MSN: variants seen among roughly 807,000 people sequenced by gnomAD.
MSN encodes epididymis luminal protein 70.
MSN carries 2 observed loss-of-function variants against 48.0 expected under a neutral mutation model. The observed-to-expected ratio is 0.04, with a 90% confidence interval of 0.02 to 0.13. The LOEUF (loss-of-function observed/expected upper bound fraction) is 0.13, where lower values mean the gene tolerates loss of function less well. MSN is among the 10% of genes least tolerant of loss of function. The pLI, the probability that MSN is intolerant of heterozygous loss-of-function variation, is 1.00. For missense variants in MSN, 267 were observed against 470.1 expected, an observed-to-expected ratio of 0.57 and a Z score of 3.99; for synonymous variants, 146 against 166.9, an observed-to-expected ratio of 0.87 and a Z score of 0.97.
At chrX:65,639,965 C>T (rs1417709437) in intron 1 of MSN, among the ~76,000 whole-genome samples, 1 of 111,552 alleles carries the variant, frequency 9.0e-6, no homozygotes, top group Non-Finnish European at 1.9e-5. Flanking sequence ...AGGTGCTGTG[C>T]TAGATGCTAG....
chrX:65,625,748 TAATCAATTTA>T (rs2070498685), intron 1 of MSN: 1 of 111,806 alleles, frequency 8.9e-6, no homozygotes, highest in African/African-American at 3.2e-5. Flanking sequence ...TTGGATGATT[TAATCAATTTA>T]CATTTAAAGT....
chrX:65,601,604 G>A, intron 1 of MSN, among the ~76,000 whole-genome samples: 1 of 112,327 alleles, frequency 8.9e-6, no homozygotes, highest in Non-Finnish European at 1.9e-5. Context: ...TTGGCTTGGA[G>A]AAGCTCCCCA....
intron 1 of MSN, among the ~76,000 whole-genome samples, chrX:65,708,477 G>A (rs2071383409): frequency 9.1e-6 from 1 of 110,108 alleles, no homozygotes; most frequent in Non-Finnish European, 1.9e-5. Flanking sequence ...ATTTTTAGTA[G>A]AGATGGGGTT....
At chrX:65,620,868 C>CTT (rs964757298) in intron 1 of MSN, among the ~76,000 whole-genome samples, 10 of 97,145 alleles carry the variant, frequency 1.0e-4, no homozygotes, top group African/African-American at 2.6e-4. Flanking sequence ...AAGATTTTCA[C>CTT]TTTTTTTTTT....
chrX:65,634,319 T>C (rs1307473562), intron 1 of MSN, among the ~76,000 whole-genome samples: 1 of 112,192 alleles, frequency 8.9e-6, no homozygotes, highest in African/African-American at 3.2e-5. Flanking sequence ...AAAACAACAA[T>C]AAGCCATTGA....
chrX:65,664,735 A>C (rs1347381271), upstream of MSN, among the ~76,000 whole-genome samples: 5 of 79,683 alleles, frequency 6.3e-5, no homozygotes, highest in Admixed American at 1.5e-4. Flanking sequence ...CCCTGCTTGG[A>C]CTTCTATGCC....
At chrX:65,621,452 A>G (rs752697803) in intron 1 of MSN, among the ~76,000 whole-genome samples, 12 of 111,942 alleles carry the variant, frequency 1.1e-4, no homozygotes, top group African/African-American at 1.9e-4. Flanking sequence ...TTTCAATTTT[A>G]TTTCATTCAT....
intron 1 of MSN, among the ~76,000 whole-genome samples, chrX:65,655,982 G>C (rs1021543316): frequency 1.8e-5 from 2 of 111,393 alleles, no homozygotes; most frequent in Non-Finnish European, 3.8e-5. Context: ...GTCCAGGCTG[G>C]TCTCGAACTC....
chrX:65,645,429 T>C (rs970080498), intron 1 of MSN, among the ~76,000 whole-genome samples: 1 of 108,577 alleles, frequency 9.2e-6, no homozygotes, highest in African/African-American at 3.4e-5. Context: ...CCCTAAAGCA[T>C]GTTTGTCGGG....
Position 65,642,049 on chromosome X carries a change from G to A in MSN, c.-22+53437G>A, listed in dbSNP as rs141307143. On this transcript the variant is annotated intron_variant, in intron 1 of 3. Transcript: ENST00000609672. The stretch of plus-strand genomic sequence containing the variant: ...CTCGGGAGGCTGAGGCAGGAGAATC[G>A]CTTGAACCTAGAAGGCGGAGGTTGC... Among the ~76,000 whole-genome samples the A allele has an allele frequency of 6.4e-3, 659 of 102,353 alleles. 5 individuals carry two copies. Among genetic ancestry groups the A allele is most frequent in the African/African-American group, 0.023 (625 of 27,705 alleles). 88.9% of individuals were successfully genotyped at this position (102,353 alleles called of 115,157 possible). A position where few individuals can be genotyped will look rare whatever the true frequency, so the allele number is the denominator to read the frequency against.
intron 1 of MSN, among the ~76,000 whole-genome samples, chrX:65,695,646 G>T (rs1029588007): frequency 7.2e-5 from 8 of 110,455 alleles, no homozygotes; most frequent in Non-Finnish European, 1.3e-4. Flanking sequence ...TGGTGCCTCA[G>T]TGGGGCTGTG....
chrX:65,696,000 G>T (rs192759212), intron 1 of MSN, among the ~76,000 whole-genome samples: 214 of 105,290 alleles, frequency 2.0e-3, no homozygotes, highest in African/African-American at 8.1e-3. Flanking sequence ...AGTCTCCTTT[G>T]TCCTTCAGGA....
intron 1 of MSN, among the ~76,000 whole-genome samples, chrX:65,628,462 T>C (rs1038485788): frequency 2.7e-5 from 3 of 111,950 alleles, no homozygotes; most frequent in Non-Finnish European, 5.6e-5. Flanking sequence ...CAGCCATGGC[T>C]GGAGTGGCTG....
At chrX:65,720,232 T>C (rs986859297) in intron 2 of MSN, among the ~76,000 whole-genome samples, 1 of 112,233 alleles carries the variant, frequency 8.9e-6, no homozygotes, top group Non-Finnish European at 1.9e-5. Flanking sequence ...AGTTAGTAAG[T>C]TGTGATATGG....
chrX:65,656,808 A>G (rs2070784931), intron 1 of MSN, among the ~76,000 whole-genome samples: 1 of 110,537 alleles, frequency 9.0e-6, no homozygotes, highest in African/African-American at 3.3e-5. Context: ...GAGCAAGCAC[A>G]CGGTGCTGCT....
intron 12 of MSN, among the ~76,000 whole-genome samples, chrX:65,739,518 ATCAACTGG>A (rs932981641): frequency 9.0e-6 from 1 of 111,486 alleles, no homozygotes; most frequent in African/African-American, 3.3e-5. Flanking sequence ...GATACCCATT[ATCAACTGG>A]TCCCCTAAGT....
intron 1 of MSN, among the ~76,000 whole-genome samples, chrX:65,651,561 T>TTTTTTATTA (rs1234656209): frequency 3.3e-4 from 31 of 94,501 alleles, no homozygotes; most frequent in African/African-American, 1.2e-3. Flanking sequence ...AGAAGTAATA[T>TTTTTTATTA]TTATTATTAT....
chrX:65,654,761 T>C, intron 1 of MSN, among the ~76,000 whole-genome samples: 1 of 111,695 alleles, frequency 9.0e-6, no homozygotes, highest in East Asian at 2.8e-4. Context: ...TTTTGGGTTG[T>C]GCTCTCATGG....
intron 1 of MSN, among the ~76,000 whole-genome samples, chrX:65,595,982 C>T (rs1364575041): frequency 8.9e-6 from 1 of 111,826 alleles, no homozygotes; most frequent in Non-Finnish European, 1.9e-5. Context: ...TAAGGTTGTA[C>T]AGTCGTTGTG....
Sources: gnomAD v4.1 joint callset for allele counts (sites outside exome capture counted in the v4.1 genomes callset) on GRCh38, gnomAD v4.1.1 for gene constraint, MANE v1.5 for transcripts, NCBI Gene and HGNC (gene_info 2026-07-23, HGNC 2026-07-21) for gene names.